SLC25A16: variants seen among roughly 807,000 people sequenced by gnomAD.
SLC25A16 encodes the protein mitochondrial coenzyme A transporter SLC25A16.
SLC25A16 carries 39 observed loss-of-function variants against 41.5 expected under a neutral mutation model. The observed-to-expected ratio is 0.94, with a 90% CI of 0.73 to 1.23. The LOEUF (loss-of-function observed/expected upper bound fraction) is 1.23. SLC25A16 is among the 50% of genes most tolerant of loss of function. The probability of loss-of-function intolerance (pLI) is 0.00; values close to 1 mark genes in which losing one functional copy is unlikely to be tolerated. For missense variants in SLC25A16, 421 were observed against 426.9 expected, an observed-to-expected ratio of 0.99 and a Z score of 0.12; for synonymous variants, 146 against 147.8, an observed-to-expected ratio of 0.99 and a Z score of 0.09.
intron 4 of SLC25A16, chr10:68,496,617 TA>T: frequency 1.0e-6 from 1 of 983,328 alleles, no homozygotes; most frequent in Non-Finnish European, 1.2e-6. Flanking sequence ...ACTAAGGACA[TA>T]AAGATAAATC....
rs371744502 is a variant in SLC25A16, at chr10:68,489,053, T to G, written c.611-424A>C. 1.9e-3 allele frequency among the ~76,000 whole-genome samples: 294 copies of G among 152,270 alleles called. 1 individual carries two copies. The highest frequency in any genetic ancestry group is 6.8e-3 in the African/African-American group (282 of 41,542). On this transcript the variant is annotated intron_variant, in intron 6 of 8. Coordinates refer to ENST00000609923, the MANE Select transcript of SLC25A16 (RefSeq NM_152707.4). ...GGGAGGCTGAGGTGGGCGGATTACCTGAGGTCAGGCGTTCGAGATCAGCCT... is the reference window on the plus strand; with the variant it reads ...GGGAGGCTGAGGTGGGCGGATTACCGGAGGTCAGGCGTTCGAGATCAGCCT...
At chr10:68,488,343 AC>A in intron 7 of SLC25A16, 123 bp downstream of exon 7, 2 of 597,376 alleles carry the variant, frequency 3.3e-6, no homozygotes, top group Non-Finnish European at 5.5e-6. Flanking sequence ...TTAAATTGAG[AC>A]CTATATTTTG....
chr10:68,496,885 A>T, intron 4 of SLC25A16: 1 of 164,264 alleles, frequency 6.1e-6, no homozygotes, highest in Non-Finnish European at 1.3e-5. Context: ...ATCACTGCAC[A>T]CTGCAGCCTC....
Position 68,527,390 on chromosome 10 carries a change from C to T in SLC25A16, c.-15G>A. The T allele has an allele frequency of 6.8e-7, 1 of 1,469,168 alleles. No homozygotes were observed. Among genetic ancestry groups the T allele is most frequent in the Non-Finnish European group, 8.9e-7 (1 of 1,119,008 alleles). 91.0% of individuals were successfully genotyped at this position (1,469,168 alleles called of 1,614,324 possible). On this transcript the variant is annotated 5_prime_UTR_variant, in exon 1 of 9. Transcript: ENST00000609923. ...GCCGCCGCCATCAGGACCAGGGTCG[C>T]GTCAGGAGCCTAGGTTGCCAACTTA... is the stretch of plus-strand genomic sequence containing the variant.
chr10:68,506,733 A>T lies in SLC25A16; in HGVS notation c.224-15T>A, dbSNP rs553609654. ...AGAAAATACTCCTATTTTTAGAGGA[A>T]AAATGCTGTTAAAACAGAGAAAATT... On this transcript the variant is annotated splice_polypyrimidine_tract_variant and intron_variant, in intron 2 of 8. Coordinates refer to ENST00000609923, the MANE Select transcript of SLC25A16 (RefSeq NM_152707.4). 1.3e-6 allele frequency: 2 copies of T among 1,540,868 alleles called. No homozygotes were observed. The highest frequency in any genetic ancestry group is 2.4e-5 in the South Asian group (2 of 81,774).
At chr10:68,500,790 G>C (rs979988721) in intron 4 of SLC25A16, among the ~76,000 whole-genome samples, 5 of 151,484 alleles carry the variant, frequency 3.3e-5, no homozygotes, top group Admixed American at 6.6e-5. Flanking sequence ...AAATTAGCCA[G>C]GTATGTGGCA....
At position 68,481,023 on chromosome 10, in the gene SLC25A16, A is replaced by G. The variant is rs7916439; in HGVS notation, c.*2409T>C. The stretch of plus-strand genomic sequence containing the variant: ...TTTTTATACAGGCTTTTATACAGCC[A>G]CCCAGGCTGGAGTGCAATGGCGCAA... On this transcript the variant is annotated 3_prime_UTR_variant, in exon 9 of 9. Coordinates refer to ENST00000609923, the MANE Select transcript of SLC25A16 (RefSeq NM_152707.4). 0.22 allele frequency: 32,716 copies of G among 151,170 alleles called. 4,362 individuals are homozygous for G. Among genetic ancestry groups the G allele is most frequent in the African/African-American group, 0.36 (14,943 of 41,142 alleles). 9.4% of individuals were successfully genotyped at this position (151,170 alleles called of 1,614,324 possible). A position where few individuals can be genotyped will look rare whatever the true frequency, so the allele number is the denominator to read the frequency against.
At chr10:68,499,891 C>T (rs2052812169) in intron 4 of SLC25A16, 1 of 572,376 alleles carries the variant, frequency 1.7e-6, no homozygotes, top group Non-Finnish European at 3.3e-6. Flanking sequence ...GATTCCTGAA[C>T]AGAAAGCCAA....
intron 1 of SLC25A16, among the ~76,000 whole-genome samples, chr10:68,520,899 G>T (rs567703833): frequency 3.3e-5 from 5 of 151,674 alleles, no homozygotes; most frequent in African/African-American, 9.7e-5. Context: ...ATTTTGGGAC[G>T]TTGAGGCGGG....
intron 2 of SLC25A16, among the ~76,000 whole-genome samples, chr10:68,513,364 A>G (rs1441618608): frequency 6.7e-5 from 10 of 149,286 alleles, no homozygotes; most frequent in African/African-American, 2.5e-4. Context: ...AGCTGAGATC[A>G]CATCACTGCA....
At chr10:68,492,854 C>T (rs982623514) in intron 6 of SLC25A16, among the ~76,000 whole-genome samples, 1 of 151,880 alleles carries the variant, frequency 6.6e-6, no homozygotes, top group Admixed American at 6.6e-5. Context: ...AATTAACATG[C>T]TCATAAAACC....
intron 3 of SLC25A16, 96 bp downstream of exon 3, chr10:68,506,489 A>G: frequency 1.2e-6 from 1 of 832,220 alleles, no homozygotes; most frequent in South Asian, 3.6e-5. Flanking sequence ...TAAAAATATG[A>G]AACTTTTACA....
intron 1 of SLC25A16, among the ~76,000 whole-genome samples, chr10:68,520,206 C>T (rs2053227785): frequency 6.6e-6 from 1 of 151,832 alleles, no homozygotes; most frequent in African/African-American, 2.4e-5. Context: ...ATCCACCCGC[C>T]TCTACCTCCC....
At chr10:68,493,384 C>T (rs2052694332) in intron 5 of SLC25A16, 65 bp downstream of exon 5, 4 of 1,366,046 alleles carry the variant, frequency 2.9e-6, no homozygotes, top group Non-Finnish European at 4.2e-6. Context: ...ACTTATATGA[C>T]ATTCAAAATA....
At chr10:68,522,814 CAAAAAAAAAAAA>C (rs58143466) in intron 1 of SLC25A16, among the ~76,000 whole-genome samples, 13 of 65,458 alleles carry the variant, frequency 2.0e-4, no homozygotes, top group Non-Finnish European at 2.8e-4. Flanking sequence ...GATTCCTTCT[CAAAAAAAAAAAA>C]AAAAAAAAAA....
intron 2 of SLC25A16, among the ~76,000 whole-genome samples, chr10:68,511,373 A>G (rs2053060346): frequency 6.6e-6 from 1 of 152,160 alleles, no homozygotes; most frequent in South Asian, 2.1e-4. Context: ...CAGGAATTCT[A>G]CTCCAAATTT....
At chr10:68,494,675 G>A (rs964332623) in intron 4 of SLC25A16, among the ~76,000 whole-genome samples, 1 of 147,118 alleles carries the variant, frequency 6.8e-6, no homozygotes, top group Non-Finnish European at 1.5e-5. Context: ...TCAGGAGTTC[G>A]AGACCAGCCT....
intron 1 of SLC25A16, among the ~76,000 whole-genome samples, chr10:68,522,826 A>G (rs2053270551): frequency 6.6e-6 from 1 of 151,340 alleles, no homozygotes; most frequent in Non-Finnish European, 1.5e-5. Flanking sequence ...AAAAAAAAAA[A>G]AAAAAAAAAA....
chr10:68,493,260 G>GA (rs981176847), intron 5 of SLC25A16, 62 bp from the exon 6 acceptor site: 73 of 1,270,138 alleles, frequency 5.7e-5, no homozygotes, highest in Admixed American at 1.5e-4. Flanking sequence ...AAACATCAAA[G>GA]AAAAAATCAC....
Sources: allele counts gnomAD v4.1 joint callset (sites outside exome capture counted in the v4.1 genomes callset), GRCh38; gene constraint gnomAD v4.1.1; transcripts MANE v1.5; gene names NCBI Gene and HGNC (gene_info 2026-07-23, HGNC 2026-07-21).